Variants in PCDH15 observed in about 807,000 individuals in gnomAD.
The protein encoded by PCDH15 is protocadherin related 15, also known as protocadherin-15.
A neutral mutation model predicts 178.5 loss-of-function variants in PCDH15; 129 were observed. The ratio of observed to expected loss-of-function variants is 0.72; its 90% CI spans 0.63 to 0.84. The LOEUF (loss-of-function observed/expected upper bound fraction) is 0.84, where lower values mean the gene tolerates loss of function less well. PCDH15 is among the 40% of genes least tolerant of loss of function. The pLI is 0.00. For missense variants in PCDH15, 2,230 were observed against 2,099.9 expected, an observed-to-expected ratio of 1.06 and a Z score of -1.21; for synonymous variants, 800 against 732.0, an observed-to-expected ratio of 1.09 and a Z score of -1.50.
intron 3 of PCDH15, among the ~76,000 whole-genome samples, chr10:54,472,267 T>C (rs931679702): frequency 3.3e-5 from 5 of 150,412 alleles, no homozygotes; most frequent in Admixed American, 6.7e-5. Context: ...TGGTATTTGG[T>C]TGCTGTTCCA....
At position 55,553,833 on chromosome 10, in the gene PCDH15, T is replaced by C. The variant is rs1483445133; in HGVS notation, c.-156+73792A>G. Among the ~76,000 whole-genome samples the C allele has an allele frequency of 2.0e-5, 3 of 151,926 alleles. No homozygotes were observed. In the East Asian group the frequency reaches 5.8e-4, roughly 29 times the overall value. On this transcript the variant is annotated intron_variant, in intron 2 of 5. Coordinates refer to the PCDH15 transcript ENST00000613346. ...AAGTTCTGCATAATTAAGATGATTA[T>C]GGTGATAATGACGATGCTGATATCT...
Position 54,623,388 on chromosome 10 carries a change from T to C in PCDH15, c.91+40784A>G, listed in dbSNP as rs111286792. On this transcript the variant is annotated intron_variant, in intron 2 of 37. Transcript: ENST00000644397. ...ATTTTATAAGTACTATTATTAATAA[T>C]GAAAAGACTTTTTTTTAAAATTTGA... Among the ~76,000 whole-genome samples, 820 of 152,214 alleles carry C rather than the reference T, an allele frequency of 5.4e-3. 6 individuals are homozygous for C. Among genetic ancestry groups the C allele is most frequent in the African/African-American group, 0.018 (765 of 41,568 alleles).
chr10:54,245,135 G>T (rs1212784041), intron 8 of PCDH15, among the ~76,000 whole-genome samples: 1 of 152,020 alleles, frequency 6.6e-6, no homozygotes, highest in Non-Finnish European at 1.5e-5. Flanking sequence ...CAATAGGAAG[G>T]CAATAAAACA....
At chr10:55,248,846 C>G (rs886778857) in intron 1 of PCDH15, among the ~76,000 whole-genome samples, 4 of 152,180 alleles carry the variant, frequency 2.6e-5, no homozygotes, top group African/African-American at 9.7e-5. Context: ...CATGAGCCAC[C>G]ATGCCTAGCC....
chr10:55,173,557 TG>T (rs1286677398), intron 1 of PCDH15, among the ~76,000 whole-genome samples: 1 of 152,118 alleles, frequency 6.6e-6, no homozygotes, highest in Admixed American at 6.6e-5. Flanking sequence ...AAAGCTTTAA[TG>T]CATTTGCTTT....
chr10:54,548,168 A>G (rs1189560754), intron 2 of PCDH15, among the ~76,000 whole-genome samples: 2 of 147,230 alleles, frequency 1.4e-5, no homozygotes, highest in Non-Finnish European at 3.0e-5. Flanking sequence ...ATATTTATAT[A>G]TTTACATTTT....
intron 8 of PCDH15, among the ~76,000 whole-genome samples, chr10:54,284,131 G>A (rs930487585): frequency 6.6e-5 from 10 of 152,140 alleles, no homozygotes; most frequent in South Asian, 4.2e-4. Flanking sequence ...CATGGTGCCC[G>A]GCCTAATAAA....
At chr10:54,125,554 G>A (rs538502877) in intron 15 of PCDH15, among the ~76,000 whole-genome samples, 88 of 152,322 alleles carry the variant, frequency 5.8e-4, no homozygotes, top group African/African-American at 2.0e-3. Context: ...GCAAGTCTAA[G>A]CAAAGCTGAA....
intron 26 of PCDH15, among the ~76,000 whole-genome samples, chr10:53,899,371 G>GT (rs1243834564): frequency 2.0e-5 from 3 of 152,044 alleles, no homozygotes; most frequent in African/African-American, 7.2e-5. Flanking sequence ...CTTCAACAAT[G>GT]TTTTTATTGT....
intron 2 of PCDH15, among the ~76,000 whole-genome samples, chr10:54,551,198 A>C (rs1037838403): frequency 6.6e-6 from 1 of 150,432 alleles, no homozygotes; most frequent in Non-Finnish European, 1.5e-5. Context: ...CAAACATGGT[A>C]AACATAAAAA....
chr10:54,801,673 C>G (rs1238607132), upstream of PCDH15, among the ~76,000 whole-genome samples: 1 of 152,078 alleles, frequency 6.6e-6, no homozygotes, highest in Non-Finnish European at 1.5e-5. Flanking sequence ...TTATATGAAG[C>G]CCTCCACATC....
At chr10:54,949,517 A>G (rs189062278) in intron 2 of PCDH15, among the ~76,000 whole-genome samples, 1 of 152,066 alleles carries the variant, frequency 6.6e-6, no homozygotes, top group East Asian at 1.9e-4. Context: ...CATTATGGTA[A>G]TTAACATTTG....
intron 2 of PCDH15, among the ~76,000 whole-genome samples, chr10:54,962,755 C>T (rs1273558965): frequency 6.6e-6 from 1 of 152,198 alleles, no homozygotes; most frequent in Admixed American, 6.5e-5. Context: ...ACACCCCTCT[C>T]TACTCCACTC....
At chr10:54,360,645 T>C (rs141855848) in intron 5 of PCDH15, among the ~76,000 whole-genome samples, 12 of 152,282 alleles carry the variant, frequency 7.9e-5, no homozygotes, top group Non-Finnish European at 1.5e-4. Flanking sequence ...TAACTTTTTA[T>C]AACCATATAA....
chr10:54,891,608 C>A (rs992414448), intron 3 of PCDH15, among the ~76,000 whole-genome samples: 4 of 152,054 alleles, frequency 2.6e-5, no homozygotes. Flanking sequence ...CCTTCACATG[C>A]CTTTGAGAAT....
chr10:54,632,490 A>T (rs2093729800), intron 2 of PCDH15, among the ~76,000 whole-genome samples: 1 of 152,124 alleles, frequency 6.6e-6, no homozygotes, highest in Non-Finnish European at 1.5e-5. Context: ...TTAAAAATTA[A>T]ACATCAAGGG....
intron 23 of PCDH15, among the ~76,000 whole-genome samples, chr10:53,943,894 A>T (rs2086295326): frequency 6.6e-6 from 1 of 152,112 alleles, no homozygotes; most frequent in African/African-American, 2.4e-5. Context: ...CAGGATTACA[A>T]TGTACAATAT....
At chr10:54,146,748 T>C (rs1218899145) in intron 14 of PCDH15, among the ~76,000 whole-genome samples, 1 of 150,992 alleles carries the variant, frequency 6.6e-6, no homozygotes, top group Non-Finnish European at 1.5e-5. Context: ...ATGAAAGCTG[T>C]CAATTTTAAA....
At chr10:55,357,568 A>T (rs1242479458) in intron 2 of PCDH15, among the ~76,000 whole-genome samples, 2 of 152,012 alleles carry the variant, frequency 1.3e-5, no homozygotes, top group Non-Finnish European at 2.9e-5. Flanking sequence ...ACCTTCCTTT[A>T]GAGATTTTTG....
Sources: allele counts gnomAD v4.1 joint callset (sites outside exome capture counted in the v4.1 genomes callset), GRCh38; gene constraint gnomAD v4.1.1; transcripts MANE v1.5; gene names NCBI Gene and HGNC (gene_info 2026-07-23, HGNC 2026-07-21).